Variants in PCDH9 observed in about 807,000 individuals in gnomAD.
PCDH9 encodes the protein protocadherin-9.
A neutral mutation model predicts 70.6 loss-of-function variants in PCDH9; 24 were observed. The observed-to-expected ratio is 0.34, with a 90% confidence interval of 0.25 to 0.48. PCDH9 has a LOEUF of 0.48. Ranked by LOEUF, PCDH9 falls within the 20% of genes least tolerant of loss-of-function variation. The pLI, the probability that PCDH9 is intolerant of heterozygous loss-of-function variation, is 0.99. For synonymous variants in PCDH9, 562 were observed against 558.5 expected, an observed-to-expected ratio of 1.01 and a Z score of -0.09; for missense variants, 1,281 against 1,503.6, an observed-to-expected ratio of 0.85 and a Z score of 2.45.
At position 66,372,496 on chromosome 13, in the gene PCDH9, G is replaced by A. The variant is rs117949230; in HGVS notation, c.3341-67468C>T. 1.3e-3 allele frequency among the ~76,000 whole-genome samples: 198 copies of A among 151,768 alleles called. 5 individuals carry two copies. The East Asian group carries it at 0.032, about 25-fold the overall frequency. On this transcript the variant is annotated intron_variant, in intron 4 of 4. Transcript: ENST00000377865. ...TTTCTGAAAGTAAGACAGACTTGGT[G>A]AAGGGAAATGGTAGAAGCTAGATGG...
At chr13:66,706,776 G>A (rs1169940567) in intron 3 of PCDH9, among the ~76,000 whole-genome samples, 1 of 152,154 alleles carries the variant, frequency 6.6e-6, no homozygotes, top group Non-Finnish European at 1.5e-5. Context: ...GACTTAAGAA[G>A]CAAGATAATT....
chr13:66,514,580 T>TA (rs2138592545), intron 4 of PCDH9, among the ~76,000 whole-genome samples: 1 of 151,908 alleles, frequency 6.6e-6, no homozygotes, highest in African/African-American at 2.4e-5. Context: ...AAAATTTAAG[T>TA]ATATTATTAA....
At chr13:66,983,326 T>C (rs1472728075) in intron 2 of PCDH9, among the ~76,000 whole-genome samples, 1 of 152,124 alleles carries the variant, frequency 6.6e-6, no homozygotes, top group East Asian at 1.9e-4. Flanking sequence ...AAAGTCACTT[T>C]GTAGAATGAA....
intron 2 of PCDH9, among the ~76,000 whole-genome samples, chr13:67,172,900 T>C (rs1272934023): frequency 7.6e-6 from 1 of 131,578 alleles, no homozygotes; most frequent in African/African-American, 2.8e-5. Context: ...AAAAAAAGGA[T>C]GGTATTGGCA....
intron 3 of PCDH9, among the ~76,000 whole-genome samples, chr13:66,785,783 GGATCA>G (rs1425853646): frequency 6.6e-6 from 1 of 151,770 alleles, no homozygotes; most frequent in Non-Finnish European, 1.5e-5. Flanking sequence ...GGGCATGTAT[GGATCA>G]CCCTACATCT....
chr13:66,576,440 G>T (rs939120518), intron 4 of PCDH9, among the ~76,000 whole-genome samples: 2 of 151,962 alleles, frequency 1.3e-5, no homozygotes, highest in African/African-American at 4.8e-5. Context: ...GAGGAATCTT[G>T]TTTAAGATTG....
chr13:66,925,334 G>T (rs199722063), intron 2 of PCDH9, among the ~76,000 whole-genome samples: 1 of 86,398 alleles, frequency 1.2e-5, no homozygotes, highest in African/African-American at 5.7e-5. Flanking sequence ...TACATTTTTG[G>T]CTTACCGTAT....
intron 4 of PCDH9, among the ~76,000 whole-genome samples, chr13:66,325,493 T>A (rs76809450): frequency 0.027 from 4,056 of 152,160 alleles, 240 homozygotes; most frequent in African/African-American, 0.093. Flanking sequence ...AGTTAAACTA[T>A]GTCAGCCTAT....
At chr13:66,734,910 G>A (rs1436422561) in intron 3 of PCDH9, among the ~76,000 whole-genome samples, 2 of 152,096 alleles carry the variant, frequency 1.3e-5, no homozygotes, top group Admixed American at 6.5e-5. Context: ...ACTACCGAAC[G>A]CAGTTGGTCC....
chr13:66,960,913 A>G (rs1442490636), intron 2 of PCDH9, among the ~76,000 whole-genome samples: 2 of 152,142 alleles, frequency 1.3e-5, no homozygotes, highest in Non-Finnish European at 2.9e-5. Flanking sequence ...TAGAGTATCA[A>G]TTGGTAAAAT....
intron 2 of PCDH9, among the ~76,000 whole-genome samples, chr13:67,131,164 A>G (rs1321558602): frequency 1.3e-5 from 2 of 152,188 alleles, no homozygotes; most frequent in Non-Finnish European, 2.9e-5. Flanking sequence ...GCCAAATTAT[A>G]TATTTTCTAA....
intron 3 of PCDH9, among the ~76,000 whole-genome samples, chr13:66,775,701 T>C (rs78825161): frequency 2.6e-3 from 391 of 152,354 alleles, no homozygotes; most frequent in Non-Finnish European, 4.8e-3. Flanking sequence ...ACATATAACG[T>C]ACACAATATG....
chr13:66,436,434 C>G (rs1348261342), intron 4 of PCDH9, among the ~76,000 whole-genome samples: 1 of 152,146 alleles, frequency 6.6e-6, no homozygotes, highest in Non-Finnish European at 1.5e-5. Context: ...CTCAGGTATT[C>G]TGTCAGAGAA....
intron 2 of PCDH9, among the ~76,000 whole-genome samples, chr13:67,025,933 C>A (rs990409892): frequency 9.9e-5 from 15 of 151,984 alleles, no homozygotes; most frequent in Non-Finnish European, 2.9e-5. Context: ...CACTATGTAG[C>A]TGATTTGGGG....
intron 4 of PCDH9, among the ~76,000 whole-genome samples, chr13:66,429,004 C>T (rs974147532): frequency 5.3e-5 from 8 of 150,120 alleles, no homozygotes; most frequent in Non-Finnish European, 1.0e-4. Flanking sequence ...GTTGAAAAGA[C>T]GAAAGAGAAT....
rs577545654 is a variant in PCDH9 at position 67,095,305 on chromosome 13, CA to C, written c.3036+130099del. Among the ~76,000 whole-genome samples, 514 of 152,186 alleles carry C rather than the reference CA, an allele frequency of 3.4e-3. 3 individuals carry two copies. The highest frequency in any genetic ancestry group is 7.5e-3 in the Admixed American group (114 of 15,286). On this transcript the variant is annotated intron_variant, in intron 2 of 4. Coordinates refer to ENST00000377865, the MANE Select transcript of PCDH9 (RefSeq NM_203487.3). Reference sequence around the variant, plus strand: ...TATTTAGATTGTATGTTAACTATTACAGTTTGGATCTGAACTCTAGGTTATT... The same window carrying C: ...TATTTAGATTGTATGTTAACTATTACGTTTGGATCTGAACTCTAGGTTATT...
chr13:66,575,934 T>G (rs970351717), intron 4 of PCDH9, among the ~76,000 whole-genome samples: 2 of 152,072 alleles, frequency 1.3e-5, no homozygotes, highest in African/African-American at 4.8e-5. Flanking sequence ...ATATGTTAAT[T>G]TTATGTTTTT....
chr13:67,101,688 T>C (rs959942503), intron 2 of PCDH9, among the ~76,000 whole-genome samples: 1 of 152,228 alleles, frequency 6.6e-6, no homozygotes, highest in African/African-American at 2.4e-5. Context: ...TATCACTCAA[T>C]GAGTATTTTA....
chr13:66,481,301 T>TAAAA (rs35064904), intron 4 of PCDH9, among the ~76,000 whole-genome samples: 1 of 138,760 alleles, frequency 7.2e-6, no homozygotes. Context: ...CTTAAAGTAT[T>TAAAA]AAAAAAAAAA....
Sources: allele counts gnomAD v4.1 joint callset (sites outside exome capture counted in the v4.1 genomes callset), GRCh38; gene constraint gnomAD v4.1.1; transcripts MANE v1.5; gene names NCBI Gene and HGNC (gene_info 2026-07-23, HGNC 2026-07-21).